The following EXOG variants were observed in gnomAD, a reference collection of about 807,000 sequenced individuals.
The protein encoded by EXOG is nuclease EXOG, mitochondrial.
A neutral mutation model predicts 25.8 loss-of-function variants in EXOG; 27 were observed. The observed-to-expected ratio is 1.05, with a 90% confidence interval of 0.77 to 1.45. The LOEUF is 1.45. EXOG is among the 40% of genes most tolerant of loss of function. The pLI, the probability that EXOG is intolerant of heterozygous loss-of-function variation, is 0.00. For missense variants in EXOG, 458 were observed against 450.5 expected, an observed-to-expected ratio of 1.02 and a Z score of -0.15; for synonymous variants, 133 against 167.0, an observed-to-expected ratio of 0.80 and a Z score of 1.57.
chr3:38,496,986 CCTT>C, intron 1 of EXOG: 1 of 1,062,744 alleles, frequency 9.4e-7, no homozygotes, highest in Non-Finnish European at 1.1e-6. Context: ...AGTTAACTGC[CCTT>C]CTTTCGTCAT....
chr3:38,514,387 A>G (rs1311767407), intron 5 of EXOG, among the ~76,000 whole-genome samples: 2 of 152,222 alleles, frequency 1.3e-5, no homozygotes, highest in African/African-American at 4.8e-5. Context: ...TGGTCAGCAC[A>G]CTGATGATGT....
In EXOG at chr3:38,503,620, C is replaced by T. The variant is rs2060112553; in HGVS notation, c.459C>T (p.Ala153=). 1.9e-6 allele frequency: 3 copies of T among 1,587,372 alleles called. No homozygotes were observed. The highest frequency in any genetic ancestry group is 1.7e-5 in the Admixed American group (1 of 59,820). ...PAGNNKFSSK[A]MAETFYLSNI... is the part of the protein sequence containing the mutation. ...CTATGTTTCTTTCTTTACAGAAAGC[C>T]ATGGCTGAAACCTTTTACCTTTCTA... is the stretch of plus-strand genomic sequence containing the variant. Residue 153 remains alanine (A), a synonymous_variant, in exon 4 of 6, where the codon GCC becomes GCT. Transcript: ENST00000287675.
At chr3:38,515,159 G>T (rs911156438) in intron 5 of EXOG, among the ~76,000 whole-genome samples, 2 of 152,064 alleles carry the variant, frequency 1.3e-5, no homozygotes, top group African/African-American at 4.8e-5. Context: ...TAACCTTTCC[G>T]AGTCCTTGCA....
chr3:38,514,986 G>C (rs1166406603), intron 5 of EXOG, among the ~76,000 whole-genome samples: 1 of 152,070 alleles, frequency 6.6e-6, no homozygotes, highest in Non-Finnish European at 1.5e-5. Flanking sequence ...TGGCCAGGCT[G>C]GTCTTGAACT....
chr3:38,525,084 A>C lies in EXOG; in HGVS notation c.*722A>C, dbSNP rs2212044. On this transcript the variant is annotated 3_prime_UTR_variant, in exon 6 of 6. Coordinates refer to ENST00000287675, the MANE Select transcript of EXOG (RefSeq NM_005107.4). Reference sequence around the variant, plus strand: ...TACTTCTGTCTACGTAGAAGCACTCAGCAACTAGTTTCTGCTCATTAAATG... The same window carrying C: ...TACTTCTGTCTACGTAGAAGCACTCCGCAACTAGTTTCTGCTCATTAAATG... 3 of 983,828 alleles carry C rather than the reference A, an allele frequency of 3.0e-6. No individual in the cohort carries two copies. Among genetic ancestry groups the C allele is most frequent in the Non-Finnish European group, 3.6e-6 (3 of 828,484 alleles). The allele number at this position is 983,828 out of a possible 1,614,324, so 60.9% of individuals were successfully genotyped here.
rs1159490193 is a variant in EXOG at position 38,501,249 on chromosome 3, C to A, written c.314-106C>A. On this transcript the variant is annotated intron_variant, in intron 2 of 5. Transcript: ENST00000287675. Reference sequence around the variant, plus strand: ...ACATGCATGCAATCCCTAATACTAGCTGCTTGGAGAGACACCAGCCAGTAG... The same window carrying A: ...ACATGCATGCAATCCCTAATACTAGATGCTTGGAGAGACACCAGCCAGTAG... 9.5e-6 allele frequency: 8 copies of A among 843,832 alleles called. No homozygotes were observed. The East Asian group carries it at 1.5e-4, about 15-fold the overall frequency. The allele number at this position is 843,832 out of a possible 1,614,324, so 52.3% of individuals were successfully genotyped here.
chr3:38,524,805 C>A lies in EXOG; in HGVS notation c.*443C>A. On this transcript the variant is annotated 3_prime_UTR_variant, in exon 6 of 6. Transcript: ENST00000287675. Reference sequence around the variant, plus strand: ...GTGTCAAGTTAACAGGAAGACTGCCCACAGATGACACTGCATTTGTATCCC... The same window carrying A: ...GTGTCAAGTTAACAGGAAGACTGCCAACAGATGACACTGCATTTGTATCCC... 1.0e-6 allele frequency: 1 copy of A among 988,804 alleles called. No individual in the cohort carries two copies. The highest frequency in any genetic ancestry group is 1.2e-6 in the Non-Finnish European group (1 of 832,378). The allele number at this position is 988,804 out of a possible 1,614,324, so 61.3% of individuals were successfully genotyped here.
intron 1 of EXOG, 25 bp from the exon 2 acceptor site, chr3:38,497,604 C>CT (rs72284153): frequency 0.04 from 54,159 of 1,368,344 alleles, no homozygotes; most frequent in Non-Finnish European, 0.046. Flanking sequence ...TCTGCCCCCC[C>CT]TTTTTTTTTT....
intron 4 of EXOG, chr3:38,505,395 C>T (rs1036094659): frequency 2.0e-5 from 3 of 151,602 alleles, no homozygotes; most frequent in Admixed American, 2.0e-4. Context: ...TTTTCTTTTC[C>T]CAAGAGATAA....
At position 38,525,877 on chromosome 3, in the gene EXOG, A is replaced by G. The variant is rs549825974; in HGVS notation, c.*1515A>G. ...GAGGATTGCTTGAGCCTGGCAGGTC[A>G]AGGCTGCGATGGGACATGGTCATGC... On this transcript the variant is annotated 3_prime_UTR_variant, in exon 6 of 6. Coordinates refer to ENST00000287675, the MANE Select transcript of EXOG (RefSeq NM_005107.4). 23 of 652,934 alleles carry G rather than the reference A, an allele frequency of 3.5e-5. No homozygotes were observed. The African/African-American group carries it at 3.7e-4, about 11-fold the overall frequency. The allele number at this position is 652,934 out of a possible 1,614,324, so 40.4% of individuals were successfully genotyped here.
chr3:38,514,485 C>T (rs1016949253), intron 5 of EXOG, among the ~76,000 whole-genome samples: 39 of 152,140 alleles, frequency 2.6e-4, no homozygotes, highest in African/African-American at 7.7e-4. Flanking sequence ...TGGACATTAG[C>T]GGTCAGGAAG....
intron 4 of EXOG, chr3:38,505,538 G>C (rs1356340690): frequency 6.6e-6 from 1 of 152,134 alleles, no homozygotes; most frequent in African/African-American, 2.4e-5. Context: ...TATGTAACTG[G>C]TTGTGAACAA....
chr3:38,510,993 AAT>A (rs1400743445), intron 5 of EXOG, among the ~76,000 whole-genome samples: 2 of 152,078 alleles, frequency 1.3e-5, no homozygotes, highest in Non-Finnish European at 2.9e-5. Context: ...GTCTCTTATT[AAT>A]TTATAGGACC....
chr3:38,507,353 A>G (rs1359829058), intron 5 of EXOG, among the ~76,000 whole-genome samples: 2 of 152,234 alleles, frequency 1.3e-5, no homozygotes, highest in African/African-American at 2.4e-5. Flanking sequence ...ACCTTGACAG[A>G]TAAGAGTCAG....
intron 4 of EXOG, among the ~76,000 whole-genome samples, chr3:38,503,902 A>T (rs571197295): frequency 1.8e-4 from 28 of 152,256 alleles, no homozygotes; most frequent in Admixed American, 3.3e-4. Context: ...TGCCTTTTTG[A>T]TCATGTTTGC....
chr3:38,521,534 T>A (rs2060715748), intron 5 of EXOG, among the ~76,000 whole-genome samples: 2 of 152,186 alleles, frequency 1.3e-5, no homozygotes. Context: ...GGAGAGAAAA[T>A]CAAGTGAATG....
chr3:38,524,804 C>G lies in EXOG; in HGVS notation c.*442C>G. 1.0e-6 allele frequency: 1 copy of G among 988,864 alleles called. No individual in the cohort carries two copies. Among genetic ancestry groups the G allele is most frequent in the Non-Finnish European group, 1.2e-6 (1 of 832,388 alleles). 61.3% of individuals were successfully genotyped at this position (988,864 alleles called of 1,614,324 possible). On this transcript the variant is annotated 3_prime_UTR_variant, in exon 6 of 6. Transcript: ENST00000287675. ...TGTGTCAAGTTAACAGGAAGACTGC[C>G]CACAGATGACACTGCATTTGTATCC...
At chr3:38,521,719 C>T (rs2060721425) in intron 5 of EXOG, among the ~76,000 whole-genome samples, 1 of 152,202 alleles carries the variant, frequency 6.6e-6, no homozygotes, top group Non-Finnish European at 1.5e-5. Context: ...CCAGCTTCCC[C>T]TGAATCCCCT....
At chr3:38,501,780 C>G (rs1036101786) in intron 3 of EXOG, among the ~76,000 whole-genome samples, 12 of 152,216 alleles carry the variant, frequency 7.9e-5, no homozygotes, top group Non-Finnish European at 1.6e-4. Context: ...CTCACTCACT[C>G]TGTTGCCCAG....
Sources: allele counts gnomAD v4.1 joint callset (sites outside exome capture counted in the v4.1 genomes callset), GRCh38; gene constraint gnomAD v4.1.1; transcripts MANE v1.5; gene names NCBI Gene and HGNC (gene_info 2026-07-23, HGNC 2026-07-21).